Variants in STK17B observed in about 807,000 individuals in gnomAD.
STK17B encodes the protein serine/threonine kinase 17b.
In STK17B, 21 loss-of-function variants were observed where a neutral mutation model predicts 42.0. The ratio of observed to expected loss-of-function variants is 0.50; its 90% CI spans 0.35 to 0.72. The LOEUF (loss-of-function observed/expected upper bound fraction) is 0.72, where lower values mean the gene tolerates loss of function less well. Ranked by LOEUF, STK17B falls within the 30% of genes least tolerant of loss-of-function variation. The pLI, the probability that STK17B is intolerant of heterozygous loss-of-function variation, is 0.00. For missense variants in STK17B, 349 were observed against 446.0 expected (o/e 0.78, Z 1.96); for synonymous variants, 143 against 148.4 (o/e 0.96, Z 0.26).
In STK17B at chr2:196,163,405, C is replaced by A; in HGVS notation, c.-22G>T. ...ACATGTTAGGTGATTCCCAGGTCTG[C>A]TTCTTTAGTCACTTATTTTTACCTA... On this transcript the variant is annotated 5_prime_UTR_variant, in exon 2 of 8. Transcript: ENST00000263955. 1 of 1,558,422 alleles carries A rather than the reference C, an allele frequency of 6.4e-7. No individual in the cohort carries two copies. Among genetic ancestry groups the A allele is most frequent in the Non-Finnish European group, 8.6e-7 (1 of 1,160,714 alleles).
rs917063668 is a variant in STK17B, at chr2:196,134,469, T to C, written c.*2978A>G. ...TATGAGAATCTAATGATAAATGTAA[T>C]GTACTTGAATCATCCTGAAACCATC... On this transcript the variant is annotated 3_prime_UTR_variant, in exon 8 of 8. Transcript: ENST00000263955. The C allele has an allele frequency of 2.0e-5, 3 of 152,138 alleles. No homozygotes were observed. The highest frequency in any genetic ancestry group is 7.2e-5 in the African/African-American group (3 of 41,396). 9.4% of individuals were successfully genotyped at this position (152,138 alleles called of 1,614,324 possible). A position where few individuals can be genotyped will look rare whatever the true frequency, so the allele number is the denominator to read the frequency against.
intron 2 of STK17B, among the ~76,000 whole-genome samples, chr2:196,158,465 A>G (rs1188683471): frequency 6.6e-6 from 1 of 152,224 alleles, no homozygotes; most frequent in Non-Finnish European, 1.5e-5. Flanking sequence ...GCTTAACTAT[A>G]AAATATTTTC....
chr2:196,147,614 T>C (rs950113590), intron 3 of STK17B, among the ~76,000 whole-genome samples: 2 of 152,160 alleles, frequency 1.3e-5, no homozygotes, highest in African/African-American at 4.8e-5. Flanking sequence ...TTTCTGACTT[T>C]GCAGAAAAAA....
At chr2:196,150,759 A>C (rs1699655055) in intron 3 of STK17B, among the ~76,000 whole-genome samples, 1 of 152,236 alleles carries the variant, frequency 6.6e-6, no homozygotes, top group Non-Finnish European at 1.5e-5. Context: ...AAATTTGAAT[A>C]TTAAGAGTCT....
intron 1 of STK17B, 120 bp from the exon 2 acceptor site, chr2:196,163,547 C>T: frequency 1.3e-6 from 1 of 752,610 alleles, no homozygotes; most frequent in Non-Finnish European, 1.9e-6. Flanking sequence ...TTAAAGAGCA[C>T]ATTCTATCCA....
chr2:196,146,128 TAAGTA>T, intron 3 of STK17B, 73 bp from the exon 4 acceptor site: 1 of 1,397,486 alleles, frequency 7.2e-7, no homozygotes, highest in Non-Finnish European at 9.5e-7. Flanking sequence ...GTGTACCTGT[TAAGTA>T]AAAGACATAC....
intron 6 of STK17B, among the ~76,000 whole-genome samples, chr2:196,140,037 A>G (rs1306089349): frequency 6.6e-6 from 1 of 152,234 alleles, no homozygotes; most frequent in East Asian, 1.9e-4. Flanking sequence ...TTCAATATAT[A>G]TTATTGCTAC....
chr2:196,152,293 G>A (rs1024824139), intron 3 of STK17B, among the ~76,000 whole-genome samples: 2 of 152,250 alleles, frequency 1.3e-5, no homozygotes, highest in Admixed American at 1.3e-4. Context: ...TTTTTTAGTA[G>A]AGACAGGGTT....
At chr2:196,168,865 T>C (rs1306980388) in intron 1 of STK17B, among the ~76,000 whole-genome samples, 4 of 152,118 alleles carry the variant, frequency 2.6e-5, no homozygotes, top group Non-Finnish European at 5.9e-5. Context: ...ACTACAGTAC[T>C]TAAACATAAA....
In STK17B at chr2:196,155,928, T is replaced by C. The variant is rs16845908; in HGVS notation, c.335+511A>G. On this transcript the variant is annotated intron_variant, in intron 3 of 7. Coordinates refer to ENST00000263955, the MANE Select transcript of STK17B (RefSeq NM_004226.4). ...AACATAGTGCTTTACACATTACATATACCAAATGTATTTCTTTAACAAACA... is the reference window on the plus strand; with the variant it reads ...AACATAGTGCTTTACACATTACATACACCAAATGTATTTCTTTAACAAACA... 7.6e-3 allele frequency among the ~76,000 whole-genome samples: 1,164 copies of C among 152,328 alleles called. 8 individuals are homozygous for C. The highest frequency in any genetic ancestry group is 0.012 in the Non-Finnish European group (846 of 68,020).
At chr2:196,141,099 G>A (rs1206619103) in intron 6 of STK17B, 150 bp downstream of exon 6, 2 of 622,128 alleles carry the variant, frequency 3.2e-6, no homozygotes. Context: ...TAATGGAAAG[G>A]TAAATATTTT....
In STK17B at chr2:196,171,423, C is replaced by G. The variant is rs1479913288; in HGVS notation, c.-135G>C. 3 of 152,310 alleles carry G rather than the reference C, an allele frequency of 2.0e-5. No homozygotes were observed. The highest frequency in any genetic ancestry group is 4.4e-5 in the Non-Finnish European group (3 of 68,108). The allele number at this position is 152,310 out of a possible 1,614,324, so 9.4% of individuals were successfully genotyped here. ...CGGGGGCCGCCACAGGACGAGTTCT[C>G]TAGCTCCAGCCGGGCGAGGCGCCAG... On this transcript the variant is annotated 5_prime_UTR_variant, in exon 1 of 8. Transcript: ENST00000263955.
chr2:196,139,896 G>T, intron 6 of STK17B, 97 bp from the exon 7 acceptor site: 2 of 880,866 alleles, frequency 2.3e-6, no homozygotes, highest in Non-Finnish European at 3.1e-6. Context: ...CCTCAAAACT[G>T]GTACGGTTAA....
chr2:196,169,047 A>G (rs1398993474), intron 1 of STK17B, among the ~76,000 whole-genome samples: 1 of 151,438 alleles, frequency 6.6e-6, no homozygotes, highest in Non-Finnish European at 1.5e-5. Context: ...ATCCTTTAAA[A>G]GTAGTAAGCC....
At chr2:196,166,664 A>G (rs1699877511) in intron 1 of STK17B, among the ~76,000 whole-genome samples, 1 of 152,202 alleles carries the variant, frequency 6.6e-6, no homozygotes, top group African/African-American at 2.4e-5. Context: ...TCTCATTATA[A>G]TAATTACCAA....
intron 4 of STK17B, 116 bp downstream of exon 4, chr2:196,145,795 A>G (rs1699564288): frequency 1.0e-6 from 1 of 984,974 alleles, no homozygotes; most frequent in Non-Finnish European, 1.4e-6. Context: ...ACACCAGTGC[A>G]GTCTAGAAGA....
Position 196,143,584 on chromosome 2 carries a change from T to A in STK17B, c.583A>T (p.Ile195Phe). The A allele has an allele frequency of 6.2e-7, 1 of 1,602,072 alleles. No individual in the cohort carries two copies. The highest frequency in any genetic ancestry group is 8.5e-7 in the Non-Finnish European group (1 of 1,176,150). ...KIGHACELREIMGTPEYLAPE... is the reference protein window; with the variant it reads ...KIGHACELREFMGTPEYLAPE... ...CCTAAATATTCTGGTGTTCCCATGA[T>A]TTCCCGAAGTTCACACGCATGCCCT... The change falls in exon 5 of 8, where the codon ATC becomes TTC. Residue 195 changes from isoleucine (I) to phenylalanine (F), a missense_variant. Physicochemically the swap from Ile to Phe is conservative, Grantham distance 21. Around this residue, in one of 3 missense-constraint regions of STK17B, gnomAD observed 256 missense variants for 347.7 expected, o/e 0.74. Coordinates refer to ENST00000263955, the MANE Select transcript of STK17B (RefSeq NM_004226.4).
chr2:196,171,398 CG>C lies in STK17B; in HGVS notation c.-111del. 1 of 152,468 alleles carries C rather than the reference CG, an allele frequency of 6.6e-6. No homozygotes were observed. The highest frequency in any genetic ancestry group is 6.5e-5 in the Admixed American group (1 of 15,310). The allele number at this position is 152,468 out of a possible 1,614,324, so 9.4% of individuals were successfully genotyped here. On this transcript the variant is annotated 5_prime_UTR_variant, in exon 1 of 8. Transcript: ENST00000263955. ...AGGGGGCCGCTGTCCCGCCCCACGC[CG>C]GGGGCCGCCACAGGACGAGTTCTCT...
At chr2:196,165,125 C>T (rs1045026863) in intron 1 of STK17B, among the ~76,000 whole-genome samples, 7 of 152,146 alleles carry the variant, frequency 4.6e-5, no homozygotes, top group African/African-American at 1.7e-4. Flanking sequence ...ATGTGACTGT[C>T]TTTGGAGACA....
Sources: gnomAD v4.1 joint callset for allele counts (sites outside exome capture counted in the v4.1 genomes callset) on GRCh38, gnomAD v4.1.1 for gene constraint, gnomAD v4.1.1 regional missense constraint, MANE v1.5 for transcripts, NCBI Gene and HGNC (gene_info 2026-07-23, HGNC 2026-07-21) for gene names.